The following PEX7 variants were observed in gnomAD, a reference collection of about 807,000 sequenced individuals.
PEX7 encodes peroxisomal biogenesis factor 7.
A neutral mutation model predicts 47.5 loss-of-function variants in PEX7; 34 were observed. The observed-to-expected ratio is 0.72, with a 90% CI of 0.54 to 0.95. The LOEUF is 0.95. Among genes scored for constraint, PEX7 ranks in the 40% least tolerant of loss-of-function variants. The probability of loss-of-function intolerance (pLI) is 0.00; values close to 1 mark genes in which losing one functional copy is unlikely to be tolerated. For missense variants in PEX7, 394 were observed against 400.3 expected (o/e 0.98, Z 0.13); for synonymous variants, 141 against 148.8 (o/e 0.95, Z 0.38).
rs186510988 is a variant in PEX7, at chr6:136,838,543, C to A, written c.340-7072C>A. 1.6e-4 allele frequency among the ~76,000 whole-genome samples: 25 copies of A among 152,184 alleles called. No individual in the cohort carries two copies. In the East Asian group the frequency reaches 2.9e-3, roughly 18 times the overall value. On this transcript the variant is annotated intron_variant, in intron 3 of 9. Coordinates refer to ENST00000318471, the MANE Select transcript of PEX7 (RefSeq NM_000288.4). ...TTGTTTGGGTACTGATTCAAATAAG[C>A]CGACTGTAAAAGAAACATTTTTGGG... is the stretch of plus-strand genomic sequence containing the variant.
chr6:136,892,643 T>C (rs956250378), intron 8 of PEX7, among the ~76,000 whole-genome samples: 3 of 152,216 alleles, frequency 2.0e-5, no homozygotes, highest in African/African-American at 7.2e-5. Flanking sequence ...CAGACACTTT[T>C]ATACATGCAA....
At chr6:136,844,782 G>A (rs927006281) in intron 3 of PEX7, among the ~76,000 whole-genome samples, 3 of 152,020 alleles carry the variant, frequency 2.0e-5, no homozygotes, top group Non-Finnish European at 4.4e-5. Context: ...CTCCAACATG[G>A]CTCAATATAG....
intron 9 of PEX7, among the ~76,000 whole-genome samples, chr6:136,906,756 A>G (rs1413855846): frequency 1.3e-5 from 2 of 152,268 alleles, no homozygotes; most frequent in Middle Eastern, 3.4e-3. Context: ...TTCCTGGACA[A>G]TCACTCCTGT....
intron 3 of PEX7, among the ~76,000 whole-genome samples, chr6:136,837,314 A>G (rs1188403907): frequency 2.2e-5 from 3 of 138,514 alleles, no homozygotes; most frequent in African/African-American, 8.2e-5. Context: ...GTGCGCCAAG[A>G]TCGCGCCACT....
At chr6:136,873,427 G>A (rs909831184) in intron 8 of PEX7, among the ~76,000 whole-genome samples, 1 of 152,142 alleles carries the variant, frequency 6.6e-6, no homozygotes, top group African/African-American at 2.4e-5. Flanking sequence ...AACATATGTA[G>A]TTTTGTTAGA....
chr6:136,872,902 GA>G (rs1251445805), intron 8 of PEX7, among the ~76,000 whole-genome samples: 2 of 151,934 alleles, frequency 1.3e-5, no homozygotes, highest in Non-Finnish European at 2.9e-5. Context: ...CCATACCTTT[GA>G]AAAAAACAAT....
At chr6:136,886,137 G>A (rs750539455) in intron 8 of PEX7, among the ~76,000 whole-genome samples, 31 of 152,286 alleles carry the variant, frequency 2.0e-4, no homozygotes, top group Non-Finnish European at 3.1e-4. Flanking sequence ...ACAGCAGTAA[G>A]AGCAAGCAGC....
At position 136,846,083 on chromosome 6, in the gene PEX7, CT is replaced by C. The variant is rs61753248; in HGVS notation, c.429del (p.Val144LeufsTer37). On this transcript the variant is annotated frameshift_variant, in exon 5 of 10. Transcript: ENST00000318471. LOFTEE classifies it high-confidence loss of function. Reference protein sequence around the residue: ...WDQTVKLWDPTVGKSLCTFRG... With the variant: ...WDQTVKLWDPXVGKSLCTFRG... Reference sequence around the variant, plus strand: ...TTCATTTATTTGTAGTGGGATCCAACTGTTGGAAAGTCTCTGTGCACCTTTA... The same window carrying C: ...TTCATTTATTTGTAGTGGGATCCAACGTTGGAAAGTCTCTGTGCACCTTTA... 5.6e-6 allele frequency: 9 copies of C among 1,607,116 alleles called. No individual in the cohort carries two copies. The highest frequency in any genetic ancestry group is 1.3e-5 in the African/African-American group (1 of 74,768).
Position 136,872,182 on chromosome 6 carries a change from C to CTTT in PEX7, c.748-7_748-5dup. 2.6e-6 allele frequency: 3 copies of CTTT among 1,162,368 alleles called. No individual in the cohort carries two copies. The highest frequency in any genetic ancestry group is 3.6e-6 in the Non-Finnish European group (3 of 842,504). The allele number at this position is 1,162,368 out of a possible 1,614,324, so 72.0% of individuals were successfully genotyped here. The stretch of plus-strand genomic sequence containing the variant: ...TGACTTCAAAAAGGGTTTTTTTTTT[C>CTTT]TTTTTTTTTTTGTAGTTTTCACCAT... On this transcript the variant is annotated splice_polypyrimidine_tract_variant and intron_variant, in intron 7 of 9. Transcript: ENST00000318471.
chr6:136,910,709 T>C (rs942550627), intron 9 of PEX7, among the ~76,000 whole-genome samples: 16 of 152,262 alleles, frequency 1.1e-4, no homozygotes, highest in African/African-American at 3.9e-4. Context: ...ACGAGGTTTC[T>C]CTTGTGTAAT....
At chr6:136,862,878 G>A in intron 5 of PEX7, among the ~76,000 whole-genome samples, 1 of 152,154 alleles carries the variant, frequency 6.6e-6, no homozygotes, top group Non-Finnish European at 1.5e-5. Flanking sequence ...GAATCACTTG[G>A]TGAGAAAAGG....
intron 8 of PEX7, among the ~76,000 whole-genome samples, chr6:136,893,026 C>A (rs1009805129): frequency 6.6e-6 from 1 of 152,180 alleles, no homozygotes; most frequent in Non-Finnish European, 1.5e-5. Flanking sequence ...CCGATGTTAA[C>A]AGTAGGGGAA....
In PEX7 at chr6:136,900,659, G is replaced by A; in HGVS notation, c.903+2418G>A. On this transcript the variant is annotated intron_variant, in intron 9 of 9. Coordinates refer to ENST00000318471, the MANE Select transcript of PEX7 (RefSeq NM_000288.4). The surrounding 1 kb of genome is among the most constrained non-coding windows in gnomAD (Gnocchi z 4.2). The stretch of plus-strand genomic sequence containing the variant: ...ACCCCCATTTTATGAGACAGGGCAG[G>A]CAGGAAGACAACCAGCTTGATGGGA... 1 of 335,374 alleles carries A rather than the reference G, an allele frequency of 3.0e-6. No homozygotes were observed. The highest frequency in any genetic ancestry group is 2.4e-5 in the South Asian group (1 of 40,982). The allele number at this position is 335,374 out of a possible 1,614,324, so 20.8% of individuals were successfully genotyped here. A position where few individuals can be genotyped will look rare whatever the true frequency, so the allele number is the denominator to read the frequency against.
At chr6:136,889,221 C>T (rs957872134) in intron 8 of PEX7, among the ~76,000 whole-genome samples, 1 of 151,992 alleles carries the variant, frequency 6.6e-6, no homozygotes, top group African/African-American at 2.4e-5. Flanking sequence ...CTGGAAAGAT[C>T]TTTTCATGAA....
intron 9 of PEX7, among the ~76,000 whole-genome samples, chr6:136,907,769 T>C (rs966563825): frequency 3.9e-5 from 6 of 152,172 alleles, no homozygotes; most frequent in African/African-American, 1.4e-4. Flanking sequence ...CATGTGTAAA[T>C]ATTTTAATAA....
chr6:136,838,916 T>TC (rs1332301640), intron 3 of PEX7, among the ~76,000 whole-genome samples: 1 of 152,170 alleles, frequency 6.6e-6, no homozygotes. Context: ...GTATGGTGGC[T>TC]CATGCATGTA....
intron 3 of PEX7, among the ~76,000 whole-genome samples, chr6:136,833,920 A>G (rs1435549693): frequency 1.3e-5 from 2 of 152,216 alleles, no homozygotes; most frequent in African/African-American, 4.8e-5. Flanking sequence ...GTCATTGAAG[A>G]TGTAGGTATA....
intron 8 of PEX7, among the ~76,000 whole-genome samples, chr6:136,878,258 G>A (rs1411675937): frequency 2.0e-5 from 3 of 152,128 alleles, no homozygotes; most frequent in East Asian, 1.9e-4. Context: ...AAACACAGAC[G>A]ATTTGACTTC....
intron 3 of PEX7, among the ~76,000 whole-genome samples, chr6:136,827,070 C>T (rs182965017): frequency 2.6e-4 from 40 of 152,082 alleles, no homozygotes; most frequent in Admixed American, 2.4e-3. Flanking sequence ...GTGTTTTTAC[C>T]TTAAATGTTT....
Sources: allele counts gnomAD v4.1 joint callset (sites outside exome capture counted in the v4.1 genomes callset), GRCh38; gene constraint gnomAD v4.1.1; non-coding constraint Gnocchi (gnomAD v3.1); transcripts MANE v1.5; gene names NCBI Gene and HGNC (gene_info 2026-07-23, HGNC 2026-07-21).